The following CDYL2 variants were observed in gnomAD, a reference collection of about 807,000 sequenced individuals.
The protein encoded by CDYL2 is chromodomain Y-like protein 2.
Under a neutral mutation model 49.4 loss-of-function variants are expected in CDYL2, and 23 were observed. That is an observed-to-expected ratio of 0.47 (90% CI 0.34 to 0.66). CDYL2 has a LOEUF of 0.66. Among genes scored for constraint, CDYL2 ranks in the 30% least tolerant of loss-of-function variants. The pLI is 0.01. For missense variants in CDYL2, 678 were observed against 656.4 expected (o/e 1.03, Z -0.36); for synonymous variants, 360 against 268.8 (o/e 1.34, Z -3.32).
intron 3 of CDYL2, among the ~76,000 whole-genome samples, chr16:80,632,081 A>G (rs1332701700): frequency 6.6e-6 from 1 of 152,184 alleles, no homozygotes; most frequent in African/African-American, 2.4e-5. Context: ...TATCCAAGAA[A>G]CCTGAAAATA....
intron 5 of CDYL2, among the ~76,000 whole-genome samples, chr16:80,609,393 G>A (rs557972754): frequency 3.3e-5 from 5 of 152,306 alleles, no homozygotes; most frequent in East Asian, 1.9e-4. Flanking sequence ...AGAGCTATGC[G>A]TAAGTTCCCC....
chr16:80,632,533 T>C (rs183776790), intron 3 of CDYL2: 1 of 160,052 alleles, frequency 6.2e-6, no homozygotes, highest in Non-Finnish European at 1.4e-5. Flanking sequence ...AATCACTGAA[T>C]TGTACATTTT....
rs1906071657 is a variant in CDYL2, at chr16:80,601,304, A to C, written c.*3084T>G. On this transcript the variant is annotated 3_prime_UTR_variant, in exon 7 of 7. Coordinates refer to ENST00000570137, the MANE Select transcript of CDYL2 (RefSeq NM_152342.4). ...AGGAGAGTTCCACTGCATGGCTAAC[A>C]GGATGGGAGGGAGTGGATTGCTAGA... 1 of 152,258 alleles carries C rather than the reference A, an allele frequency of 6.6e-6. No homozygotes were observed. Among genetic ancestry groups the C allele is most frequent in the African/African-American group, 2.4e-5 (1 of 41,462 alleles). 9.4% of individuals were successfully genotyped at this position (152,258 alleles called of 1,614,324 possible).
rs893865269 is a variant in CDYL2, at chr16:80,767,342, G to A, written c.24+36808C>T. Reference sequence around the variant, plus strand: ...TTCTCTGAGCCTATTTTACTTTGGAGACACTAAATATACTAAGCTGAATTT... The same window carrying A: ...TTCTCTGAGCCTATTTTACTTTGGAAACACTAAATATACTAAGCTGAATTT... On this transcript the variant is annotated intron_variant, in intron 1 of 6. Coordinates refer to ENST00000570137, the MANE Select transcript of CDYL2 (RefSeq NM_152342.4). 2.0e-5 allele frequency among the ~76,000 whole-genome samples: 3 copies of A among 152,160 alleles called. 1 individual carries two copies. The highest frequency in any genetic ancestry group is 4.4e-5 in the Non-Finnish European group (3 of 68,030).
intron 2 of CDYL2, among the ~76,000 whole-genome samples, chr16:80,665,525 A>AAAT (rs893471906): frequency 2.7e-5 from 4 of 150,680 alleles, no homozygotes; most frequent in Admixed American, 1.3e-4. Flanking sequence ...AAAAAAAAAA[A>AAAT]ATAGCAAAAA....
chr16:80,760,122 C>T (rs1264326889), intron 1 of CDYL2, among the ~76,000 whole-genome samples: 1 of 152,206 alleles, frequency 6.6e-6, no homozygotes, highest in Non-Finnish European at 1.5e-5. Flanking sequence ...CTCCCTTAGA[C>T]TAGCAGGCTG....
chr16:80,691,292 G>A (rs1399849117), intron 1 of CDYL2, among the ~76,000 whole-genome samples: 1 of 152,188 alleles, frequency 6.6e-6, no homozygotes, highest in African/African-American at 2.4e-5. Context: ...CCTCAGGAAG[G>A]ATAAAGAGGG....
At chr16:80,704,679 G>A (rs1269961990) in intron 1 of CDYL2, among the ~76,000 whole-genome samples, 3 of 152,340 alleles carry the variant, frequency 2.0e-5, no homozygotes, top group East Asian at 1.9e-4. Flanking sequence ...CAGGGCATGC[G>A]GGAGGAGCTC....
chr16:80,798,928 C>T (rs1462056831), intron 1 of CDYL2, among the ~76,000 whole-genome samples: 1 of 151,980 alleles, frequency 6.6e-6, no homozygotes, highest in African/African-American at 2.4e-5. Flanking sequence ...AAACATGGTA[C>T]ATTCAAGGGA....
intron 4 of CDYL2, among the ~76,000 whole-genome samples, chr16:80,618,287 G>A (rs1004030164): frequency 3.3e-5 from 5 of 152,142 alleles, no homozygotes; most frequent in South Asian, 2.1e-4. Flanking sequence ...CCCCAGCCAC[G>A]TTCTCCTACA....
At chr16:80,723,189 C>T (rs1003941070) in intron 1 of CDYL2, among the ~76,000 whole-genome samples, 12 of 152,176 alleles carry the variant, frequency 7.9e-5, no homozygotes, top group African/African-American at 1.2e-4. Context: ...GAGGAAAAGC[C>T]GCCCCAAGAA....
intron 1 of CDYL2, among the ~76,000 whole-genome samples, chr16:80,785,266 T>A (rs933786364): frequency 4.6e-5 from 7 of 152,252 alleles, no homozygotes; most frequent in African/African-American, 1.4e-4. Flanking sequence ...TTCAGCAAAG[T>A]CTCAGGATAT....
intron 3 of CDYL2, among the ~76,000 whole-genome samples, chr16:80,629,149 C>T (rs2167672): frequency 0.052 from 7,939 of 152,126 alleles, 666 homozygotes; most frequent in African/African-American, 0.18. Flanking sequence ...CAGGAGCCAT[C>T]GACACATTTG....
chr16:80,748,506 T>A (rs1444337338), intron 1 of CDYL2, among the ~76,000 whole-genome samples: 6 of 19,136 alleles, frequency 3.1e-4, no homozygotes, highest in Admixed American at 9.6e-4. Context: ...AAAACTCCAT[T>A]AAAAAAAAAA....
chr16:80,693,957 C>T (rs1375506384), intron 1 of CDYL2, among the ~76,000 whole-genome samples: 2 of 152,132 alleles, frequency 1.3e-5, no homozygotes, highest in East Asian at 1.9e-4. Context: ...GGAGCTGACC[C>T]AAGTAACTTT....
At chr16:80,749,254 T>C (rs1029102703) in intron 1 of CDYL2, among the ~76,000 whole-genome samples, 3 of 152,224 alleles carry the variant, frequency 2.0e-5, no homozygotes, top group Non-Finnish European at 2.9e-5. Flanking sequence ...CAATGTCTTA[T>C]TTAGGGCAGT....
intron 2 of CDYL2, among the ~76,000 whole-genome samples, chr16:80,678,037 C>T (rs1361823958): frequency 6.6e-6 from 1 of 151,640 alleles, no homozygotes; most frequent in Admixed American, 6.6e-5. Context: ...ATAAATGGTG[C>T]TGGGAAAACT....
intron 1 of CDYL2, among the ~76,000 whole-genome samples, chr16:80,715,499 G>C (rs1275117714): frequency 6.6e-6 from 1 of 152,108 alleles, no homozygotes; most frequent in African/African-American, 2.4e-5. Flanking sequence ...GACACTCATG[G>C]TTCTCCAGTG....
chr16:80,696,080 A>G (rs1910603528), intron 1 of CDYL2, among the ~76,000 whole-genome samples: 1 of 152,250 alleles, frequency 6.6e-6, no homozygotes, highest in Non-Finnish European at 1.5e-5. Context: ...AAAACTAGAA[A>G]TCAATAACAA....
Sources: allele counts gnomAD v4.1 joint callset (sites outside exome capture counted in the v4.1 genomes callset), GRCh38; gene constraint gnomAD v4.1.1; transcripts MANE v1.5; gene names NCBI Gene and HGNC (gene_info 2026-07-23, HGNC 2026-07-21).